Variants in ARID5B observed in about 807,000 individuals in gnomAD.
ARID5B encodes the protein AT-rich interactive domain-containing protein 5B.
In ARID5B, 13 loss-of-function variants were observed where a neutral mutation model predicts 97.2. The ratio of observed to expected loss-of-function variants is 0.13; its 90% confidence interval spans 0.09 to 0.21. The LOEUF (loss-of-function observed/expected upper bound fraction) is 0.21, where lower values mean the gene tolerates loss of function less well. ARID5B is among the 10% of genes least tolerant of loss of function. ARID5B has a pLI of 1.00. For missense variants in ARID5B, 1,210 were observed against 1,465.3 expected (o/e 0.83, Z 2.84); for synonymous variants, 556 against 570.3 (o/e 0.97, Z 0.36).
intron 4 of ARID5B, among the ~76,000 whole-genome samples, chr10:62,007,774 A>G (rs1367011341): frequency 1.3e-5 from 2 of 152,078 alleles, no homozygotes; most frequent in African/African-American, 2.4e-5. Flanking sequence ...ATCATTCCAC[A>G]TCGCTTATTC....
chr10:62,030,825 T>TAA (rs1311528555), intron 4 of ARID5B, among the ~76,000 whole-genome samples: 1 of 152,188 alleles, frequency 6.6e-6, no homozygotes, highest in Non-Finnish European at 1.5e-5. Flanking sequence ...GCAAAGGGTC[T>TAA]AAAAATGAAT....
At chr10:62,062,914 A>G (rs1839940428) in intron 7 of ARID5B, among the ~76,000 whole-genome samples, 1 of 151,936 alleles carries the variant, frequency 6.6e-6, no homozygotes, top group Admixed American at 6.6e-5. Flanking sequence ...TCAAATTCTG[A>G]CTCACTGAGA....
At chr10:62,085,583 C>A in intron 8 of ARID5B, 119 bp from the exon 9 acceptor site, 1 of 829,006 alleles carries the variant, frequency 1.2e-6, no homozygotes, top group Non-Finnish European at 1.9e-6. Flanking sequence ...ATAGCACTGT[C>A]ACTGGAGATG....
Position 61,902,360 on chromosome 10 carries a change from C to T in ARID5B, c.223C>T (p.Leu75Phe), listed in dbSNP as rs766556983. 1.2e-6 allele frequency: 2 copies of T among 1,614,144 alleles called. No individual in the cohort carries two copies. The highest frequency in any genetic ancestry group is 1.7e-6 in the Non-Finnish European group (2 of 1,180,022). The change falls in exon 2 of 10, where the codon CTT becomes TTT. Residue 75 changes from leucine (L) to phenylalanine (F), a missense_variant. Around this residue, in one of 8 missense-constraint regions of ARID5B, gnomAD observed 80 missense variants for 133.2 expected, o/e 0.60. Transcript: ENST00000279873. ...TSRQLLSSSKLYFLPEDTPQG... is the reference protein window; with the variant it reads ...TSRQLLSSSKFYFLPEDTPQG... ...CCGGCAACTTTTATCCAGCTCTAAACTTTATTTCCTCCCAGAAGACACTCC... is the reference window on the plus strand; with the variant it reads ...CCGGCAACTTTTATCCAGCTCTAAATTTTATTTCCTCCCAGAAGACACTCC...
chr10:61,919,938 C>T (rs113772592), intron 2 of ARID5B, among the ~76,000 whole-genome samples: 13 of 151,880 alleles, frequency 8.6e-5, no homozygotes, highest in African/African-American at 3.1e-4. Flanking sequence ...TATTTCTTTA[C>T]ATTATAGGTC....
At chr10:62,002,756 T>TAA (rs1384044420) in intron 4 of ARID5B, among the ~76,000 whole-genome samples, 1 of 152,212 alleles carries the variant, frequency 6.6e-6, no homozygotes, top group Non-Finnish European at 1.5e-5. Flanking sequence ...CAAATGTTCC[T>TAA]AATATTAAAC....
chr10:62,051,702 A>G (rs184326772), intron 5 of ARID5B, among the ~76,000 whole-genome samples: 1 of 152,292 alleles, frequency 6.6e-6, no homozygotes, highest in East Asian at 1.9e-4. Context: ...ATCACTTTAT[A>G]TTTTTAGACT....
chr10:61,947,901 C>A (rs771311588), intron 3 of ARID5B, among the ~76,000 whole-genome samples: 1 of 152,118 alleles, frequency 6.6e-6, no homozygotes, highest in Non-Finnish European at 1.5e-5. Flanking sequence ...AAGTTAAGAC[C>A]CTTTCATTTG....
intron 4 of ARID5B, among the ~76,000 whole-genome samples, chr10:62,027,485 A>AT (rs1286059261): frequency 2.0e-5 from 3 of 147,694 alleles, no homozygotes; most frequent in Non-Finnish European, 3.0e-5. Context: ...ATTTTTTTGT[A>AT]TTTTTTTGTA....
At chr10:62,028,237 G>A (rs532616987) in intron 4 of ARID5B, among the ~76,000 whole-genome samples, 1 of 152,328 alleles carries the variant, frequency 6.6e-6, no homozygotes, top group South Asian at 2.1e-4. Context: ...CTTTAATGAT[G>A]TGGGGGATAG....
intron 7 of ARID5B, among the ~76,000 whole-genome samples, chr10:62,060,664 T>C (rs567886442): frequency 6.6e-6 from 1 of 152,308 alleles, no homozygotes; most frequent in South Asian, 2.1e-4. Context: ...AATGGTAACT[T>C]ATTCAGGGTT....
Position 62,069,690 on chromosome 10 carries a change from A to G in ARID5B, c.1102-10A>G. On this transcript the variant is annotated splice_polypyrimidine_tract_variant and intron_variant, in intron 7 of 9. Transcript: ENST00000279873. The stretch of plus-strand genomic sequence containing the variant: ...ATGTAAGATTGAATTTCCCATTGCC[A>G]TTTTTTCAGATAACAGCCCGCCGTC... 1 of 1,613,504 alleles carries G rather than the reference A, an allele frequency of 6.2e-7. No individual in the cohort carries two copies. The highest frequency in any genetic ancestry group is 8.5e-7 in the Non-Finnish European group (1 of 1,179,536).
At chr10:61,980,037 G>A (rs1838755893) in intron 3 of ARID5B, among the ~76,000 whole-genome samples, 1 of 151,946 alleles carries the variant, frequency 6.6e-6, no homozygotes, top group Non-Finnish European at 1.5e-5. Context: ...GGGTTGCCGT[G>A]AGCCAGGATC....
chr10:61,903,355 C>T (rs1349352416), intron 2 of ARID5B, among the ~76,000 whole-genome samples: 1 of 152,168 alleles, frequency 6.6e-6, no homozygotes, highest in Non-Finnish European at 1.5e-5. Context: ...GGAGGTGAGC[C>T]CGCTGTCACT....
intron 3 of ARID5B, among the ~76,000 whole-genome samples, chr10:61,995,136 T>A (rs895927496): frequency 3.3e-5 from 5 of 152,184 alleles, no homozygotes; most frequent in Non-Finnish European, 7.4e-5. Flanking sequence ...CTCCTAGGGG[T>A]ACTTTGATTT....
chr10:61,958,181 G>C (rs1264269030), intron 3 of ARID5B, among the ~76,000 whole-genome samples: 1 of 152,232 alleles, frequency 6.6e-6, no homozygotes, highest in East Asian at 1.9e-4. Context: ...GATGAAGGTT[G>C]CATGAGTACG....
intron 8 of ARID5B, among the ~76,000 whole-genome samples, chr10:62,076,456 C>T (rs1183683746): frequency 1.3e-5 from 2 of 150,100 alleles, no homozygotes; most frequent in Non-Finnish European, 3.0e-5. Flanking sequence ...GCACGAGAAT[C>T]ACGGGATGAA....
chr10:62,055,265 G>T (rs1839840333), intron 5 of ARID5B, among the ~76,000 whole-genome samples: 1 of 152,184 alleles, frequency 6.6e-6, no homozygotes, highest in South Asian at 2.1e-4. Flanking sequence ...AAGTAAGGCT[G>T]CCTGGGCTTA....
chr10:61,956,390 G>A (rs1358057190), intron 3 of ARID5B, among the ~76,000 whole-genome samples: 1 of 152,168 alleles, frequency 6.6e-6, no homozygotes, highest in Non-Finnish European at 1.5e-5. Context: ...AACTGCCTTC[G>A]CCAAAACTGG....
Sources: gnomAD v4.1 joint callset for allele counts (sites outside exome capture counted in the v4.1 genomes callset) on GRCh38, gnomAD v4.1.1 for gene constraint, gnomAD v4.1.1 regional missense constraint, MANE v1.5 for transcripts, NCBI Gene and HGNC (gene_info 2026-07-23, HGNC 2026-07-21) for gene names.